Variants in MRPL22 observed in about 807,000 individuals in gnomAD.
The protein encoded by MRPL22 is large ribosomal subunit protein uL22m.
A neutral mutation model predicts 32.4 loss-of-function variants in MRPL22; 27 were observed. The ratio of observed to expected loss-of-function variants is 0.83; its 90% CI spans 0.61 to 1.15. The LOEUF (loss-of-function observed/expected upper bound fraction) is 1.15, where lower values mean the gene tolerates loss of function less well. Ranked by LOEUF, MRPL22 falls within the 50% of genes most tolerant of loss-of-function variation. MRPL22 has a pLI of 0.00. For missense variants in MRPL22, 239 were observed against 260.2 expected (o/e 0.92, Z 0.56); for synonymous variants, 86 against 87.3 (o/e 0.99, Z 0.08).
At chr5:154,941,673 C>T (rs1764418079) in intron 2 of MRPL22, among the ~76,000 whole-genome samples, 1 of 152,202 alleles carries the variant, frequency 6.6e-6, no homozygotes, top group Admixed American at 6.5e-5. Context: ...TGCTTTAACT[C>T]ACTCTCATAA....
intron 3 of MRPL22, chr5:154,956,092 G>C: frequency 3.3e-6 from 1 of 300,102 alleles, no homozygotes; most frequent in Non-Finnish European, 6.1e-6. Context: ...AATCTTTTAG[G>C]ATTTCTTTGG....
At chr5:154,950,173 C>A (rs1306876870) in intron 2 of MRPL22, among the ~76,000 whole-genome samples, 3 of 152,076 alleles carry the variant, frequency 2.0e-5, no homozygotes, top group Non-Finnish European at 4.4e-5. Context: ...GGGAAACTGC[C>A]ACTTTTAAAC....
rs1046371061 is a variant in MRPL22, at chr5:154,956,444, G to T, written c.261+8G>T. On this transcript the variant is annotated splice_region_variant and intron_variant, in intron 4 of 6. Transcript: ENST00000523037. The stretch of plus-strand genomic sequence containing the variant: ...TGGTATTTGGCAAAATTGGTAAGCT[G>T]CAATGACTATTACCATATAATTAAT... The T allele has an allele frequency of 1.9e-6, 3 of 1,575,300 alleles. No homozygotes were observed. The highest frequency in any genetic ancestry group is 2.7e-5 in the African/African-American group (2 of 73,914).
In MRPL22 at chr5:154,943,232, G is replaced by A. The variant is rs557870558; in HGVS notation, c.77+1967G>A. On this transcript the variant is annotated intron_variant, in intron 2 of 6. Transcript: ENST00000523037. ...TAGCTCACTGCAGCCTCAAACTCCC[G>A]GGCTCCCACCTCAGCTTCCTAAGTA... Among the ~76,000 whole-genome samples the A allele has an allele frequency of 7.3e-5, 11 of 151,158 alleles. No individual in the cohort carries two copies. In the South Asian group the frequency reaches 8.4e-4, roughly 12 times the overall value.
At chr5:154,961,903 GT>G (rs1318809323) in intron 6 of MRPL22, among the ~76,000 whole-genome samples, 1 of 152,076 alleles carries the variant, frequency 6.6e-6, no homozygotes, top group Non-Finnish European at 1.5e-5. Context: ...GCCTATGCTG[GT>G]CTTGAACTCC....
chr5:154,951,030 T>C, intron 3 of MRPL22, 92 bp downstream of exon 3: 1 of 824,692 alleles, frequency 1.2e-6, no homozygotes, highest in Non-Finnish European at 2.0e-6. Flanking sequence ...GTTAAAAAAA[T>C]TATACAACCA....
intron 6 of MRPL22, among the ~76,000 whole-genome samples, chr5:154,962,621 G>T (rs751430044): frequency 1.3e-5 from 2 of 152,120 alleles, no homozygotes; most frequent in Non-Finnish European, 2.9e-5. Flanking sequence ...CCTGTCATTG[G>T]TGTAAAGCTA....
intron 4 of MRPL22, 122 bp downstream of exon 4, chr5:154,956,558 T>C: frequency 7.6e-6 from 5 of 656,500 alleles, no homozygotes; most frequent in Non-Finnish European, 1.3e-5. Context: ...TGTGATATAA[T>C]TGGTAGGTTG....
At chr5:154,956,142 A>G (rs1263001337) in intron 3 of MRPL22, 1 of 453,302 alleles carries the variant, frequency 2.2e-6, no homozygotes, top group African/African-American at 2.1e-5. Flanking sequence ...CAGCCATTGT[A>G]TAGTTTCTAT....
At chr5:154,941,561 C>G (rs1453396095) in intron 2 of MRPL22, among the ~76,000 whole-genome samples, 1 of 152,222 alleles carries the variant, frequency 6.6e-6, no homozygotes, top group East Asian at 1.9e-4. Flanking sequence ...AAGCGTCCAA[C>G]TTTTCAAGTT....
rs1304755351 is a variant in MRPL22 at position 154,968,347 on chromosome 5, AG to A, written c.*1453del. On this transcript the variant is annotated 3_prime_UTR_variant, in exon 7 of 7. Transcript: ENST00000523037. Reference sequence around the variant, plus strand: ...TCCTAAGCTGTTGTAGCATGGAGTCAGGGAAATAACACTGGAATATTAAAAG... The same window carrying A: ...TCCTAAGCTGTTGTAGCATGGAGTCAGGAAATAACACTGGAATATTAAAAG... 6.6e-6 allele frequency: 1 copy of A among 152,232 alleles called. No individual in the cohort carries two copies. Among genetic ancestry groups the A allele is most frequent in the East Asian group, 1.9e-4 (1 of 5,196 alleles). The allele number at this position is 152,232 out of a possible 1,614,324, so 9.4% of individuals were successfully genotyped here. A position where few individuals can be genotyped will look rare whatever the true frequency, so the allele number is the denominator to read the frequency against.
rs1764815561 is a variant in MRPL22, at chr5:154,969,393, G to T, written c.*2496G>T. The T allele has an allele frequency of 6.6e-6, 1 of 152,152 alleles. No individual in the cohort carries two copies. Among genetic ancestry groups the T allele is most frequent in the African/African-American group, 2.4e-5 (1 of 41,392 alleles). 9.4% of individuals were successfully genotyped at this position (152,152 alleles called of 1,614,324 possible). On this transcript the variant is annotated 3_prime_UTR_variant, in exon 7 of 7. Transcript: ENST00000523037. ...ATGCAGAACTTTGACACAATTAAAT[G>T]TCTTTTCTTTATAAATTACCCAATC... is the stretch of plus-strand genomic sequence containing the variant.
chr5:154,951,496 A>T (rs565622969), intron 3 of MRPL22, among the ~76,000 whole-genome samples: 4 of 152,268 alleles, frequency 2.6e-5, no homozygotes, highest in East Asian at 3.9e-4. Context: ...ATTTGTCAGT[A>T]TAGGCTATTA....
chr5:154,960,630 A>C (rs1242663641), intron 6 of MRPL22, among the ~76,000 whole-genome samples: 1 of 152,214 alleles, frequency 6.6e-6, no homozygotes, highest in South Asian at 2.1e-4. Context: ...TTCCACATCA[A>C]ATTAAATTAA....
rs1216455684 is a variant in MRPL22 at position 154,953,723 on chromosome 5, G to T, written c.196-2648G>T. Among the ~76,000 whole-genome samples, 6 of 113,072 alleles carry T rather than the reference G, an allele frequency of 5.3e-5. No homozygotes were observed. The South Asian group carries it at 8.1e-4, about 15-fold the overall frequency. The allele number at this position is 113,072 out of a possible 152,430, so 74.2% of individuals were successfully genotyped here. A position where few individuals can be genotyped will look rare whatever the true frequency, so the allele number is the denominator to read the frequency against. On this transcript the variant is annotated intron_variant, in intron 3 of 6. Coordinates refer to ENST00000523037, the MANE Select transcript of MRPL22 (RefSeq NM_014180.4). The stretch of plus-strand genomic sequence containing the variant: ...TTTTTTTGAGACAGGGTCTAGCTCT[G>T]TTGCCCAGGCTGGAGTGCAGTAGCA...
At chr5:154,953,319 C>T (rs564681702) in intron 3 of MRPL22, among the ~76,000 whole-genome samples, 5 of 130,712 alleles carry the variant, frequency 3.8e-5, no homozygotes, top group South Asian at 5.0e-4. Flanking sequence ...CGCACCACTG[C>T]ACTACTTCAG....
chr5:154,959,980 G>T lies in MRPL22; in HGVS notation c.340G>T (p.Val114Phe), dbSNP rs1433285361. The change falls in exon 6 of 7, where the codon GTT (valine) becomes TTT (phenylalanine). Residue 114 changes from valine to phenylalanine, a missense_variant and splice_region_variant. Transcript: ENST00000523037. The part of the protein sequence containing the change: ...DKKGAKIIKE[V>F]LLEAQDMAVR... ...AATGCTTTTCTTTTTCTTATTTAAG[G>T]TTCTCTTAGAAGCACAAGATATGGC... The T allele has an allele frequency of 5.6e-6, 9 of 1,608,070 alleles. No homozygotes were observed. The highest frequency in any genetic ancestry group is 1.3e-5 in the African/African-American group (1 of 74,772).
At chr5:154,963,837 A>G (rs1764732839) in intron 6 of MRPL22, among the ~76,000 whole-genome samples, 1 of 152,204 alleles carries the variant, frequency 6.6e-6, no homozygotes. Flanking sequence ...GACTTTCTAG[A>G]AAAAATTGGC....
intron 3 of MRPL22, among the ~76,000 whole-genome samples, chr5:154,952,211 C>A (rs1764573419): frequency 1.3e-5 from 2 of 152,084 alleles, no homozygotes; most frequent in South Asian, 4.1e-4. Context: ...AAATAAATTA[C>A]AACAGTATTT....
Sources: gnomAD v4.1 joint callset for allele counts (sites outside exome capture counted in the v4.1 genomes callset) on GRCh38, gnomAD v4.1.1 for gene constraint, MANE v1.5 for transcripts, NCBI Gene and HGNC (gene_info 2026-07-23, HGNC 2026-07-21) for gene names.